Variants in RSU1 observed in about 807,000 individuals in gnomAD.
RSU1 encodes the protein rsu-1.
In RSU1, 26 loss-of-function variants were observed where a neutral mutation model predicts 31.1. The observed-to-expected ratio is 0.84, with a 90% CI of 0.61 to 1.16. The LOEUF (loss-of-function observed/expected upper bound fraction) is 1.16, where lower values mean the gene tolerates loss of function less well. RSU1 is among the 50% of genes most tolerant of loss of function. The pLI, the probability that RSU1 is intolerant of heterozygous loss-of-function variation, is 0.00. For synonymous variants in RSU1, 164 were observed against 136.3 expected (o/e 1.20, Z -1.41); for missense variants, 320 against 339.1 (o/e 0.94, Z 0.44).
At chr10:16,633,355 G>A (rs1455765119) in intron 8 of RSU1, among the ~76,000 whole-genome samples, 1 of 152,114 alleles carries the variant, frequency 6.6e-6, no homozygotes, top group Non-Finnish European at 1.5e-5. Flanking sequence ...GCACAGCTTA[G>A]GGTATGATGG....
At chr10:16,658,210 A>G (rs1333986252) in intron 8 of RSU1, among the ~76,000 whole-genome samples, 1 of 152,112 alleles carries the variant, frequency 6.6e-6, no homozygotes, top group Non-Finnish European at 1.5e-5. Context: ...GTCAATTTCC[A>G]TTTGCAATAG....
chr10:16,675,265 G>C (rs1295857454), intron 8 of RSU1, among the ~76,000 whole-genome samples: 2 of 151,144 alleles, frequency 1.3e-5, no homozygotes, highest in Non-Finnish European at 2.9e-5. Context: ...ACAAACATTA[G>C]TGCCCAAGAA....
At chr10:16,691,727 T>C (rs1286646874) in intron 8 of RSU1, among the ~76,000 whole-genome samples, 2 of 22,430 alleles carry the variant, frequency 8.9e-5, no homozygotes, top group Non-Finnish European at 1.9e-4. Flanking sequence ...TGCTTCTTTT[T>C]TTTTTTTTTT....
intron 8 of RSU1, among the ~76,000 whole-genome samples, chr10:16,668,599 T>C (rs575061810): frequency 1.3e-5 from 2 of 152,280 alleles, no homozygotes; most frequent in South Asian, 4.2e-4. Context: ...TAATTGAACA[T>C]GGTTTTTTTT....
intron 8 of RSU1, among the ~76,000 whole-genome samples, chr10:16,656,647 A>T (rs1389542640): frequency 1.3e-5 from 2 of 152,348 alleles, no homozygotes; most frequent in Non-Finnish European, 2.9e-5. Flanking sequence ...AGTATGCACA[A>T]GCATATGCAC....
At position 16,800,609 on chromosome 10, in the gene RSU1, G is replaced by A. The variant is rs138174811; in HGVS notation, c.109+16364C>T. 4.9e-4 allele frequency among the ~76,000 whole-genome samples: 75 copies of A among 152,260 alleles called. No homozygotes were observed. In the East Asian group the frequency reaches 0.011, roughly 22 times the overall value. ...GAACAATGGGATAATTACAAAAGGC[G>A]TAACAGGCATGTTGGTTGATTATAG... On this transcript the variant is annotated intron_variant, in intron 2 of 8. Coordinates refer to ENST00000345264, the MANE Select transcript of RSU1 (RefSeq NM_012425.4).
intron 7 of RSU1, among the ~76,000 whole-genome samples, chr10:16,749,301 G>C (rs1836925280): frequency 6.6e-6 from 1 of 152,164 alleles, no homozygotes; most frequent in Non-Finnish European, 1.5e-5. Flanking sequence ...TTATTTTGCT[G>C]TGTCCCTGTA....
intron 8 of RSU1, among the ~76,000 whole-genome samples, chr10:16,625,558 G>GGCT (rs1197474385): frequency 3.3e-5 from 5 of 152,170 alleles, no homozygotes; most frequent in African/African-American, 7.2e-5. Context: ...GACTTGGTAA[G>GGCT]GCTGCTACCT....
chr10:16,602,429 C>T (rs1407709327), intron 8 of RSU1, among the ~76,000 whole-genome samples: 1 of 152,150 alleles, frequency 6.6e-6, no homozygotes, highest in African/African-American at 2.4e-5. Flanking sequence ...CTTGAGGCTC[C>T]GATAAACCCA....
At chr10:16,719,579 C>G (rs1047428223) in intron 7 of RSU1, among the ~76,000 whole-genome samples, 10 of 152,188 alleles carry the variant, frequency 6.6e-5, no homozygotes, top group Admixed American at 2.0e-4. Context: ...CTCCCAGAAT[C>G]TATTGGTTTG....
At chr10:16,793,239 G>C (rs1837963166) in intron 2 of RSU1, among the ~76,000 whole-genome samples, 1 of 151,952 alleles carries the variant, frequency 6.6e-6, no homozygotes, top group Admixed American at 6.6e-5. Flanking sequence ...TCAGTAGTAA[G>C]TTTTCAAAAC....
intron 7 of RSU1, among the ~76,000 whole-genome samples, chr10:16,708,503 C>A (rs916251472): frequency 2.6e-5 from 4 of 152,064 alleles, no homozygotes; most frequent in Admixed American, 6.6e-5. Flanking sequence ...ACATTTTGAA[C>A]TTGGTTGGTG....
intron 7 of RSU1, among the ~76,000 whole-genome samples, chr10:16,738,185 G>A (rs1016990303): frequency 5.9e-5 from 9 of 152,260 alleles, no homozygotes; most frequent in Admixed American, 3.3e-4. Context: ...GGTGGCTCAC[G>A]CCTGTAATCC....
At chr10:16,754,004 T>C (rs905942635) in intron 5 of RSU1, among the ~76,000 whole-genome samples, 3 of 152,198 alleles carry the variant, frequency 2.0e-5, no homozygotes, top group African/African-American at 7.2e-5. Flanking sequence ...CAAGTGATCT[T>C]TGTAGCTCAT....
At chr10:16,750,327 C>T (rs930601913) in intron 7 of RSU1, among the ~76,000 whole-genome samples, 4 of 152,114 alleles carry the variant, frequency 2.6e-5, no homozygotes, top group Non-Finnish European at 4.4e-5. Flanking sequence ...TGCTATCAGG[C>T]AAATGTTAAG....
At chr10:16,707,810 A>G (rs757846528) in intron 7 of RSU1, among the ~76,000 whole-genome samples, 1 of 152,008 alleles carries the variant, frequency 6.6e-6, no homozygotes, top group South Asian at 2.1e-4. Context: ...TGCTGTGAAA[A>G]GTTTCCTCTC....
At chr10:16,790,082 C>T (rs964067490) in intron 2 of RSU1, among the ~76,000 whole-genome samples, 3 of 152,054 alleles carry the variant, frequency 2.0e-5, no homozygotes, top group Non-Finnish European at 2.9e-5. Context: ...TGGCACTGTC[C>T]CTGTGATTTA....
At chr10:16,711,879 A>T (rs957777097) in intron 7 of RSU1, among the ~76,000 whole-genome samples, 2 of 152,114 alleles carry the variant, frequency 1.3e-5, no homozygotes, top group African/African-American at 4.8e-5. Context: ...ATGTTCTGTA[A>T]ATATCTGCTA....
chr10:16,790,934 A>G lies in RSU1; in HGVS notation c.110-8850T>C, dbSNP rs558337318. Among the ~76,000 whole-genome samples, 3 of 152,300 alleles carry G rather than the reference A, an allele frequency of 2.0e-5. No homozygotes were observed. The East Asian group carries it at 5.8e-4, about 29-fold the overall frequency. Reference sequence around the variant, plus strand: ...GTACAGCCTGTGGAACTGTGAGCCAATTAAACCTCTTTTCTTCAGAAACTA... The same window carrying G: ...GTACAGCCTGTGGAACTGTGAGCCAGTTAAACCTCTTTTCTTCAGAAACTA... On this transcript the variant is annotated intron_variant, in intron 2 of 8. Transcript: ENST00000345264.
Sources: gnomAD v4.1 joint callset for allele counts (sites outside exome capture counted in the v4.1 genomes callset) on GRCh38, gnomAD v4.1.1 for gene constraint, MANE v1.5 for transcripts, NCBI Gene and HGNC (gene_info 2026-07-23, HGNC 2026-07-21) for gene names.